The following DEPDC5 variants were observed in gnomAD, a reference collection of about 807,000 sequenced individuals.
The protein encoded by DEPDC5 is GATOR1 complex protein DEPDC5.
DEPDC5 carries 73 observed loss-of-function variants against 217.3 expected under a neutral mutation model. The observed-to-expected ratio is 0.34, with a 90% CI of 0.28 to 0.41. The LOEUF (loss-of-function observed/expected upper bound fraction) is 0.41. Among genes scored for constraint, DEPDC5 ranks in the 10% least tolerant of loss-of-function variants. DEPDC5 has a pLI of 1.00. For missense variants in DEPDC5, 1,675 were observed against 2,070.1 expected (o/e 0.81, Z 3.70); for synonymous variants, 733 against 756.7 (o/e 0.97, Z 0.51).
intron 20 of DEPDC5, among the ~76,000 whole-genome samples, chr22:31,812,994 C>T (rs947067741): frequency 1.3e-5 from 2 of 152,134 alleles, no homozygotes; most frequent in African/African-American, 4.8e-5. Context: ...CCCACCTTGG[C>T]CTCCAAAAGT....
intron 4 of DEPDC5, among the ~76,000 whole-genome samples, chr22:31,764,582 A>G (rs1398243617): frequency 6.6e-6 from 1 of 151,084 alleles, no homozygotes; most frequent in African/African-American, 2.4e-5. Flanking sequence ...TGCCTGGCTA[A>G]TTTTTGTGTT....
At chr22:31,872,864 C>G (rs1036859475) in intron 34 of DEPDC5, among the ~76,000 whole-genome samples, 1 of 152,106 alleles carries the variant, frequency 6.6e-6, no homozygotes, top group Non-Finnish European at 1.5e-5. Context: ...AAGCGATTCT[C>G]TTGTCTCAGC....
chr22:31,827,564 G>T (rs1257745557), intron 24 of DEPDC5, among the ~76,000 whole-genome samples: 3 of 152,130 alleles, frequency 2.0e-5, no homozygotes, highest in Admixed American at 6.5e-5. Flanking sequence ...TTATAAAATA[G>T]AATTTGGATT....
In DEPDC5 at chr22:31,792,111, C is replaced by G; in HGVS notation, c.694+9C>G. On this transcript the variant is annotated intron_variant, in intron 11 of 42. Coordinates refer to ENST00000651528, the MANE Select transcript of DEPDC5 (RefSeq NM_001242896.3). ...TGATGCAAAATCTGTTGGTGAGTAA[C>G]TATTTCTCTCCTACAGTTATGTTTT... The G allele has an allele frequency of 6.3e-7, 1 of 1,586,756 alleles. No homozygotes were observed. The highest frequency in any genetic ancestry group is 1.1e-5 in the South Asian group (1 of 90,532).
chr22:31,755,844 TAATG>T (rs1027419826), intron 2 of DEPDC5, among the ~76,000 whole-genome samples: 9 of 152,132 alleles, frequency 5.9e-5, no homozygotes, highest in Admixed American at 4.6e-4. Flanking sequence ...GTTAACAATA[TAATG>T]AATCTTTTTA....
chr22:31,893,893 A>T, intron 39 of DEPDC5, 142 bp downstream of exon 39: 2 of 990,422 alleles, frequency 2.0e-6, no homozygotes, highest in South Asian at 2.5e-5. Flanking sequence ...TAACCTTTTT[A>T]AAAAATTTAA....
intron 15 of DEPDC5, among the ~76,000 whole-genome samples, chr22:31,803,218 C>CA (rs1555878767): frequency 6.9e-6 from 1 of 145,640 alleles, no homozygotes; most frequent in African/African-American, 2.5e-5. Flanking sequence ...TTCTTTCTTT[C>CA]TTTTTTTTTT....
At position 31,876,245 on chromosome 22, in the gene DEPDC5, C is replaced by T. The variant is rs369298689; in HGVS notation, c.3785C>T (p.Thr1262Met). 28 of 1,613,666 alleles carry T rather than the reference C, an allele frequency of 1.7e-5. No homozygotes were observed. The highest frequency in any genetic ancestry group is 2.0e-5 in the Non-Finnish European group (24 of 1,179,976). The change falls in exon 37 of 43, where the codon ACG (threonine) becomes ATG (methionine). Residue 1262 changes from threonine to methionine, a missense_variant. This residue lies in a region of DEPDC5 where 194 missense variants were observed against 199.3 expected (regional missense o/e 0.97). Transcript: ENST00000651528. ...IYGFYFYKIV[T>M]DKEPDRVAMQ... ...GGCTTCTATTTCTACAAGATAGTAA[C>T]GGACAAAGAGCCCGACCGAGGTTAG...
intron 32 of DEPDC5, among the ~76,000 whole-genome samples, chr22:31,861,083 C>T (rs116873151): frequency 6.6e-6 from 1 of 152,118 alleles, no homozygotes; most frequent in East Asian, 1.9e-4. Context: ...CTTTCTCCCA[C>T]ACAGATGGGA....
At chr22:31,838,014 A>G (rs868493513) in intron 26 of DEPDC5, among the ~76,000 whole-genome samples, 2 of 152,076 alleles carry the variant, frequency 1.3e-5, no homozygotes, top group African/African-American at 2.4e-5. Context: ...GGGTAATTTT[A>G]TGATGTAAGA....
chr22:31,873,917 T>C (rs1356996950), intron 35 of DEPDC5: 1 of 260,498 alleles, frequency 3.8e-6, no homozygotes, highest in Non-Finnish European at 7.4e-6. Flanking sequence ...CTCAGCTTCC[T>C]GACTAGCTGG....
chr22:31,868,966 TA>T (rs1200162780), intron 33 of DEPDC5, among the ~76,000 whole-genome samples: 1 of 152,046 alleles, frequency 6.6e-6, no homozygotes, highest in Admixed American at 6.6e-5. Context: ...TTAAAGGTGA[TA>T]TAACAACATT....
At chr22:31,758,348 G>A (rs1419246849) in intron 2 of DEPDC5, among the ~76,000 whole-genome samples, 198 bp from the exon 3 acceptor site, 3 of 152,104 alleles carry the variant, frequency 2.0e-5, no homozygotes, top group Non-Finnish European at 4.4e-5. Flanking sequence ...GTACCTGAGC[G>A]CCATCCCACT....
chr22:31,879,061 T>TAC (rs1468250246), intron 37 of DEPDC5, among the ~76,000 whole-genome samples: 62 of 136,152 alleles, frequency 4.6e-4, no homozygotes, highest in African/African-American at 1.7e-3. Context: ...TATATATATA[T>TAC]ATATATACAC....
Position 31,906,863 on chromosome 22 carries a change from C to A in DEPDC5, c.*366C>A, listed in dbSNP as rs2093767448. The A allele has an allele frequency of 2.7e-6, 1 of 374,332 alleles. No individual in the cohort carries two copies. 23.2% of individuals were successfully genotyped at this position (374,332 alleles called of 1,614,324 possible). On this transcript the variant is annotated 3_prime_UTR_variant, in exon 43 of 43. Transcript: ENST00000651528. This position sits in a 1 kb window ranked among gnomAD's most constrained non-coding sequence, Gnocchi z 5.1. ...CTCCTGGTAGCATCCTTTTCCTTCACCATCTATGGGATATTAGGGGCAGAA... is the reference window on the plus strand; with the variant it reads ...CTCCTGGTAGCATCCTTTTCCTTCAACATCTATGGGATATTAGGGGCAGAA...
chr22:31,860,910 A>G (rs1181936568), intron 32 of DEPDC5, among the ~76,000 whole-genome samples: 2 of 152,248 alleles, frequency 1.3e-5, no homozygotes, highest in East Asian at 3.9e-4. Context: ...GGATGTTGCC[A>G]CCAAAGCCCT....
intron 7 of DEPDC5, among the ~76,000 whole-genome samples, chr22:31,774,349 G>A (rs1054517273): frequency 4.0e-5 from 6 of 151,504 alleles, no homozygotes; most frequent in South Asian, 2.1e-4. Flanking sequence ...ACAGGCACCC[G>A]CCACCATGCC....
intron 12 of DEPDC5, among the ~76,000 whole-genome samples, chr22:31,796,905 C>T (rs1443488299): frequency 1.3e-5 from 2 of 151,952 alleles, no homozygotes; most frequent in Non-Finnish European, 2.9e-5. Context: ...CCGTGTTGGC[C>T]AGGCTGGTCT....
At chr22:31,905,868 G>T in intron 41 of DEPDC5, 116 bp from the exon 42 acceptor site, 9 of 900,030 alleles carry the variant, frequency 1.0e-5, no homozygotes, top group Non-Finnish European at 1.4e-5. Flanking sequence ...TCTGGAAAGA[G>T]ATCTTTCCAG....
Sources: allele counts gnomAD v4.1 joint callset (sites outside exome capture counted in the v4.1 genomes callset), GRCh38; gene constraint gnomAD v4.1.1; regional missense constraint gnomAD v4.1.1; non-coding constraint Gnocchi (gnomAD v3.1); transcripts MANE v1.5; gene names NCBI Gene and HGNC (gene_info 2026-07-23, HGNC 2026-07-21).